Variants in SVIL observed in about 807,000 individuals in gnomAD.
SVIL encodes the protein archvillin.
In SVIL, 101 loss-of-function variants were observed where a neutral mutation model predicts 240.4. The observed-to-expected ratio is 0.42, with a 90% CI of 0.36 to 0.50. SVIL has a LOEUF of 0.50. Ranked by LOEUF, SVIL falls within the 20% of genes least tolerant of loss-of-function variation. SVIL has a pLI of 0.01. For synonymous variants in SVIL, 999 were observed against 1,100.0 expected (o/e 0.91, Z 1.82); for missense variants, 2,512 against 2,818.7 (o/e 0.89, Z 2.46).
chr10:29,490,417 C>T (rs1947833050), intron 22 of SVIL, among the ~76,000 whole-genome samples: 1 of 151,962 alleles, frequency 6.6e-6, no homozygotes, highest in Admixed American at 6.6e-5. Flanking sequence ...CAGAAATATC[C>T]ATCTCTTCTA....
At chr10:29,523,360 CTTTG>C in intron 15 of SVIL, 87 bp downstream of exon 15, 1 of 1,250,056 alleles carries the variant, frequency 8.0e-7, no homozygotes, top group East Asian at 2.4e-5. Flanking sequence ...GCCTATAGAA[CTTTG>C]TTAAAAGCCA....
chr10:29,520,261 G>A (rs550604934), intron 16 of SVIL, among the ~76,000 whole-genome samples: 49 of 152,300 alleles, frequency 3.2e-4, no homozygotes, highest in African/African-American at 1.0e-3. Flanking sequence ...CAGAACTTGT[G>A]TATAAGTGAT....
chr10:29,640,691 G>T lies in SVIL; in HGVS notation c.-201+17278C>A, dbSNP rs191243132. On this transcript the variant is annotated intron_variant, in intron 3 of 35. Transcript: ENST00000375400. Reference sequence around the variant, plus strand: ...CACCCAAACCAGAAATCAGGGCCCTGCCTCACTTGAGTGATCATTCAGATC... The same window carrying T: ...CACCCAAACCAGAAATCAGGGCCCTTCCTCACTTGAGTGATCATTCAGATC... Among the ~76,000 whole-genome samples the T allele has an allele frequency of 6.6e-4, 101 of 152,296 alleles. No homozygotes were observed. In the South Asian group the frequency reaches 0.012, roughly 18 times the overall value.
At chr10:29,580,530 G>A (rs1955896565) in intron 1 of SVIL, among the ~76,000 whole-genome samples, 1 of 152,142 alleles carries the variant, frequency 6.6e-6, no homozygotes, top group South Asian at 2.1e-4. Context: ...GGATTCAGGT[G>A]CACTACATGC....
chr10:29,720,887 C>T (rs947926092), intron 1 of SVIL, among the ~76,000 whole-genome samples: 3 of 152,144 alleles, frequency 2.0e-5, no homozygotes, highest in African/African-American at 7.2e-5. Flanking sequence ...TTGCTCTGTG[C>T]CCAGGCTGGA....
At position 29,630,850 on chromosome 10, in the gene SVIL, TGAA is replaced by T. The variant is rs1958059633; in HGVS notation, c.-201+3567_-201+3569del. On this transcript the variant is annotated intron_variant, in intron 1 of 37. Transcript: ENST00000355867. ...GATGGATCACAGCCAAATTTCGATA[TGAA>T]GAACCCACAAGTCGTTACAATTCAA... Among the ~76,000 whole-genome samples, 6 of 152,228 alleles carry T rather than the reference TGAA, an allele frequency of 3.9e-5. No homozygotes were observed. In the South Asian group the frequency reaches 1.2e-3, roughly 32 times the overall value.
Position 29,470,361 on chromosome 10 carries a change from C to G in SVIL, c.5758G>C (p.Ala1920Pro). The change falls in exon 32 of 38, where the codon GCC becomes CCC. Residue 1920 changes from alanine (A) to proline (P), a missense_variant. Ala to Pro is a conservative substitution (Grantham distance 27). Around this residue, in one of 3 missense-constraint regions of SVIL, gnomAD observed 797 missense variants for 925.3 expected, o/e 0.86. Transcript: ENST00000355867. ...CATCCGTGCCACAGGTAGATGAGGG[C>G]CTTGTTGACGTTAAGCACCACCATG... The part of the protein sequence containing the change: ...TSMVVLNVNK[A>P]LIYLWHGCKA... 1 of 1,614,190 alleles carries G rather than the reference C, an allele frequency of 6.2e-7. No homozygotes were observed.
chr10:29,524,622 A>C lies in SVIL; in HGVS notation c.2436T>G (p.Thr812=). 6.2e-7 allele frequency: 1 copy of C among 1,614,164 alleles called. No homozygotes were observed. The highest frequency in any genetic ancestry group is 8.5e-7 in the Non-Finnish European group (1 of 1,180,038). The change falls in exon 14 of 38, where the codon ACT becomes ACG. Residue 812 remains threonine, a synonymous_variant. Coordinates refer to ENST00000355867, the MANE Select transcript of SVIL (RefSeq NM_021738.3). ...AGGCCAACTTTTCGGCCAAGCTTAG[A>C]GTGGAGGAATCAGGTTCTCCTTGCT... ...LAEQGEPDSS[T]LSLAEKLALF...
At chr10:29,622,876 G>C (rs143128734) in intron 1 of SVIL, among the ~76,000 whole-genome samples, 9 of 152,300 alleles carry the variant, frequency 5.9e-5, no homozygotes, top group African/African-American at 2.2e-4. Flanking sequence ...AAGTGAGCTT[G>C]GAGCATTCAA....
intron 1 of SVIL, among the ~76,000 whole-genome samples, chr10:29,585,571 C>A (rs1009176724): frequency 6.6e-6 from 1 of 152,142 alleles, no homozygotes; most frequent in African/African-American, 2.4e-5. Flanking sequence ...GAAAAGAAGA[C>A]AACGAGGACA....
chr10:29,534,970 G>A (rs1395198526), intron 7 of SVIL, among the ~76,000 whole-genome samples: 1 of 152,132 alleles, frequency 6.6e-6, no homozygotes, highest in East Asian at 1.9e-4. Context: ...TTTTGGAGTG[G>A]GAAAAGGGAT....
intron 1 of SVIL, among the ~76,000 whole-genome samples, chr10:29,585,919 C>T (rs1956150137): frequency 6.6e-6 from 1 of 152,278 alleles, no homozygotes; most frequent in Admixed American, 6.5e-5. Flanking sequence ...GTCACTGCCC[C>T]ATCCTGAACG....
At chr10:29,468,931 C>T (rs1437808079) in intron 32 of SVIL, 1 of 152,120 alleles carries the variant, frequency 6.6e-6, no homozygotes, top group Non-Finnish European at 1.5e-5. Context: ...ACATGAACTT[C>T]ATGAGGACAG....
At chr10:29,701,911 C>T (rs1185907023) in intron 1 of SVIL, among the ~76,000 whole-genome samples, 5 of 152,076 alleles carry the variant, frequency 3.3e-5, no homozygotes, top group South Asian at 2.1e-4. Flanking sequence ...CGGTGGCTCA[C>T]GCCTGTAATC....
chr10:29,581,559 T>A (rs1418231150), intron 1 of SVIL, among the ~76,000 whole-genome samples: 2 of 152,270 alleles, frequency 1.3e-5, no homozygotes, highest in African/African-American at 4.8e-5. Context: ...TTATCGGATG[T>A]GTTGAAAGAA....
intron 2 of SVIL, among the ~76,000 whole-genome samples, chr10:29,684,413 C>T (rs7083265): frequency 0.26 from 39,921 of 151,888 alleles, 5,273 homozygotes; most frequent in East Asian, 0.37. Context: ...AAGGTATACA[C>T]TGGTTCGATC....
chr10:29,706,814 TATA>T (rs1962921043), intron 1 of SVIL, among the ~76,000 whole-genome samples: 1 of 152,256 alleles, frequency 6.6e-6, no homozygotes, highest in Non-Finnish European at 1.5e-5. Context: ...TTAATCTTTG[TATA>T]AGGTGTAAGG....
At position 29,735,354 on chromosome 10, in the gene SVIL, G is replaced by C. The variant is rs1283682725; in HGVS notation, c.-400+397C>G. Among the ~76,000 whole-genome samples, 1 of 150,236 alleles carries C rather than the reference G, an allele frequency of 6.7e-6. No homozygotes were observed. The highest frequency in any genetic ancestry group is 6.6e-5 in the Admixed American group (1 of 15,166). On this transcript the variant is annotated intron_variant, in intron 1 of 35. Coordinates refer to the SVIL transcript ENST00000375400. The surrounding 1 kb of genome is among the most constrained non-coding windows in gnomAD (Gnocchi z 4.1). Reference sequence around the variant, plus strand: ...TCTGATCACTGGCGCGCCACTCCCCGGGCCACCCGCCTCCCCGCCATGCTC... The same window carrying C: ...TCTGATCACTGGCGCGCCACTCCCCCGGCCACCCGCCTCCCCGCCATGCTC...
At chr10:29,476,025 CTT>C (rs1946158786) in intron 29 of SVIL, among the ~76,000 whole-genome samples, 1 of 152,126 alleles carries the variant, frequency 6.6e-6, no homozygotes, top group South Asian at 2.1e-4. Flanking sequence ...TAAGCACAGT[CTT>C]TTGTACCATC....
Sources: allele counts gnomAD v4.1 joint callset (sites outside exome capture counted in the v4.1 genomes callset), GRCh38; gene constraint gnomAD v4.1.1; regional missense constraint gnomAD v4.1.1; non-coding constraint Gnocchi (gnomAD v3.1); transcripts MANE v1.5; gene names NCBI Gene and HGNC (gene_info 2026-07-23, HGNC 2026-07-21).